The following SIL1 variants were observed in gnomAD, a reference collection of about 807,000 sequenced individuals.
The protein encoded by SIL1 is SIL1 nucleotide exchange factor.
A neutral mutation model predicts 49.1 loss-of-function variants in SIL1; 40 were observed. The observed-to-expected ratio is 0.81, with a 90% confidence interval of 0.63 to 1.06. The LOEUF is 1.06. Ranked by LOEUF, SIL1 falls within the 50% of genes least tolerant of loss-of-function variation. The pLI is 0.00. For missense variants in SIL1, 500 were observed against 572.6 expected (o/e 0.87, Z 1.29); for synonymous variants, 253 against 250.8 (o/e 1.01, Z -0.08).
rs1451194322 is a variant in SIL1, at chr5:138,947,545, A to G, written c.1030-72T>C. The G allele has an allele frequency of 5.9e-6, 8 of 1,361,204 alleles. No homozygotes were observed. The highest frequency in any genetic ancestry group is 8.4e-6 in the Non-Finnish European group (8 of 951,434). The allele number at this position is 1,361,204 out of a possible 1,614,324, so 84.3% of individuals were successfully genotyped here. ...AGAACACACAGGGAGCAGTTAGCTC[A>G]CACCTGGCTAGCTCTGCCCTTCAGA... On this transcript the variant is annotated intron_variant, in intron 9 of 9. Transcript: ENST00000394817. This position sits in a 1 kb window ranked among gnomAD's most constrained non-coding sequence, Gnocchi z 4.1.
At chr5:139,123,872 G>A (rs537280654) in intron 2 of SIL1, among the ~76,000 whole-genome samples, 32 of 152,148 alleles carry the variant, frequency 2.1e-4, no homozygotes, top group Non-Finnish European at 4.4e-4. Flanking sequence ...ACACTAAGAA[G>A]GCCAAACTAA....
At chr5:139,156,064 A>C (rs1312731968) in intron 1 of SIL1, among the ~76,000 whole-genome samples, 1 of 152,130 alleles carries the variant, frequency 6.6e-6, no homozygotes, top group East Asian at 1.9e-4. Flanking sequence ...AACTACTGCC[A>C]GGTCAAACTC....
intron 7 of SIL1, among the ~76,000 whole-genome samples, chr5:138,996,886 T>C (rs934215948): frequency 1.3e-5 from 2 of 152,094 alleles, no homozygotes; most frequent in African/African-American, 2.4e-5. Flanking sequence ...GCTTTTGAGG[T>C]CTTACACACA....
At chr5:139,098,721 T>G (rs1279474717) in intron 3 of SIL1, among the ~76,000 whole-genome samples, 3 of 149,630 alleles carry the variant, frequency 2.0e-5, no homozygotes, top group Admixed American at 2.0e-4. Flanking sequence ...AACCAGAATA[T>G]CTAAGAAGCT....
At chr5:139,018,892 A>G (rs1768459167) in intron 7 of SIL1, among the ~76,000 whole-genome samples, 1 of 152,168 alleles carries the variant, frequency 6.6e-6, no homozygotes, top group Admixed American at 6.5e-5. Flanking sequence ...AACGTAAGAA[A>G]AAGGTGAGGC....
chr5:139,169,831 C>CCCCTCT (rs1268990182), intron 1 of SIL1, among the ~76,000 whole-genome samples: 1 of 93,884 alleles, frequency 1.1e-5, no homozygotes, highest in Non-Finnish European at 3.0e-5. Flanking sequence ...TCTCCCCTCT[C>CCCCTCT]CCCTCTCCCT....
intron 5 of SIL1, chr5:139,036,027 A>C (rs1360582766): frequency 6.6e-6 from 1 of 151,938 alleles, no homozygotes; most frequent in Non-Finnish European, 1.5e-5. Context: ...TTTTCTTGTA[A>C]ATTTGTTCAA....
chr5:139,101,811 A>G lies in SIL1; in HGVS notation c.244+19224T>C, dbSNP rs568251775. On this transcript the variant is annotated intron_variant, in intron 3 of 9. Coordinates refer to ENST00000394817, the MANE Select transcript of SIL1 (RefSeq NM_022464.5). ...CTGGGGACCTTACGATCTTGGCACAAAACAATGAGAATGTGTATTCTGTTC... is the reference window on the plus strand; with the variant it reads ...CTGGGGACCTTACGATCTTGGCACAGAACAATGAGAATGTGTATTCTGTTC... Among the ~76,000 whole-genome samples, 239 of 152,326 alleles carry G rather than the reference A, an allele frequency of 1.6e-3. 3 individuals are homozygous for G. The highest frequency in any genetic ancestry group is 1.6e-3 in the Non-Finnish European group (107 of 68,014).
At chr5:138,986,111 C>T (rs1411658077) in intron 7 of SIL1, among the ~76,000 whole-genome samples, 1 of 152,168 alleles carries the variant, frequency 6.6e-6, no homozygotes, top group Non-Finnish European at 1.5e-5. Flanking sequence ...ATTAAAAAAG[C>T]GTCCATTCAC....
intron 1 of SIL1, among the ~76,000 whole-genome samples, chr5:139,158,864 TTAGCTCTCTTCAAA>T (rs1751453342): frequency 6.6e-6 from 1 of 152,212 alleles, no homozygotes; most frequent in African/African-American, 2.4e-5. Context: ...AGTTATTGCT[TTAGCTCTCTTCAAA>T]TGGGCCCCTA....
intron 3 of SIL1, among the ~76,000 whole-genome samples, chr5:139,100,034 A>C (rs1274499198): frequency 6.6e-6 from 1 of 152,142 alleles, no homozygotes; most frequent in Non-Finnish European, 1.5e-5. Context: ...AAAACATCTC[A>C]TGTACCTCAT....
intron 3 of SIL1, among the ~76,000 whole-genome samples, chr5:139,085,746 A>G (rs939837334): frequency 3.3e-5 from 5 of 152,150 alleles, no homozygotes; most frequent in African/African-American, 1.2e-4. Flanking sequence ...GGGGCTGAAA[A>G]CATGGGATGG....
At chr5:139,097,771 C>T (rs1328586885) in intron 3 of SIL1, among the ~76,000 whole-genome samples, 1 of 152,020 alleles carries the variant, frequency 6.6e-6, no homozygotes, top group African/African-American at 2.4e-5. Flanking sequence ...CCACCGTGCC[C>T]AGCCCTAAAA....
At chr5:139,055,599 TCCCTCTCCCTCTCCCTCTCC>T (rs1271180363) in intron 3 of SIL1, among the ~76,000 whole-genome samples, 4 of 100,358 alleles carry the variant, frequency 4.0e-5, no homozygotes, top group Non-Finnish European at 6.0e-5. Flanking sequence ...ACTCTCCCTC[TCCCTCTCCCTCTCCCTCTCC>T]CCCTCTCCCC....
chr5:138,951,994 G>C, intron 7 of SIL1, 110 bp from the exon 8 acceptor site: 1 of 991,826 alleles, frequency 1.0e-6, no homozygotes, highest in Non-Finnish European at 1.6e-6. Context: ...GAACAACAGA[G>C]GTTCCCACAC....
chr5:139,151,255 C>A (rs1033107802), intron 1 of SIL1, among the ~76,000 whole-genome samples: 1 of 152,088 alleles, frequency 6.6e-6, no homozygotes, highest in Non-Finnish European at 1.5e-5. Context: ...AAGGGGGCAA[C>A]AGGAGAAAAA....
At position 139,026,975 on chromosome 5, in the gene SIL1, T is replaced by A. The variant is rs920873110; in HGVS notation, c.471A>T (p.Val157=). 3 of 1,614,070 alleles carry A rather than the reference T, an allele frequency of 1.9e-6. No homozygotes were observed. In the African/African-American group the frequency reaches 4.0e-5, roughly 22 times the overall value. ...SKEDKARQAE[V]KRLFRPIEEL... ...CCTCAATGGGGCGGAAGAGCCGCTT[T>A]ACCTCAGCCTGCCTTGCCTAAGGAG... The change falls in exon 6 of 10, where the codon GTA becomes GTT. Residue 157 remains valine (V), a synonymous_variant. Coordinates refer to ENST00000394817, the MANE Select transcript of SIL1 (RefSeq NM_022464.5).
At chr5:139,169,251 G>A (rs1184163732) in intron 1 of SIL1, among the ~76,000 whole-genome samples, 4 of 152,168 alleles carry the variant, frequency 2.6e-5, no homozygotes, top group African/African-American at 9.7e-5. Context: ...AAAGAGACCT[G>A]AGAAGACCTT....
At chr5:139,136,694 G>A (rs1419611549) in intron 1 of SIL1, among the ~76,000 whole-genome samples, 2 of 152,110 alleles carry the variant, frequency 1.3e-5, no homozygotes, top group African/African-American at 4.8e-5. Context: ...TGAAGACATA[G>A]AGGCACAAGG....
Sources: allele counts gnomAD v4.1 joint callset (sites outside exome capture counted in the v4.1 genomes callset), GRCh38; gene constraint gnomAD v4.1.1; non-coding constraint Gnocchi (gnomAD v3.1); transcripts MANE v1.5; gene names NCBI Gene and HGNC (gene_info 2026-07-23, HGNC 2026-07-21).